The following RTN4RL1 variants were observed in gnomAD, a reference collection of about 807,000 sequenced individuals.
RTN4RL1 encodes reticulon 4 receptor like 1, also known as reticulon-4 receptor-like 1.
A neutral mutation model predicts 25.6 loss-of-function variants in RTN4RL1; 7 were observed. The observed-to-expected ratio is 0.27, with a 90% CI of 0.16 to 0.51. The LOEUF is 0.51. RTN4RL1 is among the 20% of genes least tolerant of loss of function. The pLI, the probability that RTN4RL1 is intolerant of heterozygous loss-of-function variation, is 0.97. For missense variants in RTN4RL1, 500 were observed against 615.6 expected, an observed-to-expected ratio of 0.81 and a Z score of 1.99; for synonymous variants, 297 against 288.2, an observed-to-expected ratio of 1.03 and a Z score of -0.31.
At chr17:1,959,854 C>T (rs574449110) in intron 1 of RTN4RL1, among the ~76,000 whole-genome samples, 196 of 152,298 alleles carry the variant, frequency 1.3e-3, no homozygotes, top group Non-Finnish European at 2.0e-3. Context: ...TGAGCCACCG[C>T]GCCCAGCCAG....
Position 1,947,698 on chromosome 17 carries a change from C to T in RTN4RL1, c.14-9890G>A, listed in dbSNP as rs1915585259. On this transcript the variant is annotated intron_variant, in intron 1 of 1. Coordinates refer to ENST00000331238, the MANE Select transcript of RTN4RL1 (RefSeq NM_178568.4). ...TCTCAGGGGGCCTTGTCGGAGCCAC[C>T]CCCAGCTCCCCTACCCTCTGCCCAT... Among the ~76,000 whole-genome samples, 4 of 152,334 alleles carry T rather than the reference C, an allele frequency of 2.6e-5. No individual in the cohort carries two copies. The South Asian group carries it at 8.3e-4, about 32-fold the overall frequency.
rs541508094 is a variant in RTN4RL1 at position 1,939,886 on chromosome 17, G to A, written c.14-2078C>T. Among the ~76,000 whole-genome samples the A allele has an allele frequency of 2.6e-5, 4 of 152,314 alleles. No homozygotes were observed. In the East Asian group the frequency reaches 5.8e-4, roughly 22 times the overall value. Reference sequence around the variant, plus strand: ...CTCCTCCCTACCCAGCTAGCCTCCAGCCCCTTTGCTTCTAGCTTTCCAGCC... The same window carrying A: ...CTCCTCCCTACCCAGCTAGCCTCCAACCCCTTTGCTTCTAGCTTTCCAGCC... On this transcript the variant is annotated intron_variant, in intron 1 of 1. Coordinates refer to ENST00000331238, the MANE Select transcript of RTN4RL1 (RefSeq NM_178568.4).
chr17:1,952,343 T>TTG (rs1915702702), intron 1 of RTN4RL1, among the ~76,000 whole-genome samples: 1 of 145,422 alleles, frequency 6.9e-6, no homozygotes, highest in Admixed American at 7.0e-5. Flanking sequence ...TTTTTTTTTT[T>TTG]TTTTTTTTTT....
Position 1,936,580 on chromosome 17 carries a change from G to A in RTN4RL1, c.1242C>T (p.Ser414=), listed in dbSNP as rs372267244. 1.1e-5 allele frequency: 17 copies of A among 1,572,834 alleles called. No individual in the cohort carries two copies. Among genetic ancestry groups the A allele is most frequent in the Non-Finnish European group, 1.4e-5 (16 of 1,159,764 alleles). Residue 414 remains serine (S), a synonymous_variant, in exon 2 of 2, where the codon AGC becomes AGT. Transcript: ENST00000331238. Reference sequence around the variant, plus strand: ...TGGCCGAGGAGGCCTGCTGCACCCCGCTGGGGGCACGGATGGGGGTCCTGC... The same window carrying A: ...TGGCCGAGGAGGCCTGCTGCACCCCACTGGGGGCACGGATGGGGGTCCTGC... The part of the protein sequence containing the change: ...CARRTPIRAP[S]GVQQASSASS...
chr17:1,946,337 T>C (rs1362105922), intron 1 of RTN4RL1, among the ~76,000 whole-genome samples: 1 of 152,172 alleles, frequency 6.6e-6, no homozygotes, highest in Non-Finnish European at 1.5e-5. Flanking sequence ...GCACGTGTCT[T>C]CTCAAACACC....
chr17:2,012,905 T>C (rs2067068385), intron 1 of RTN4RL1, among the ~76,000 whole-genome samples: 2 of 152,224 alleles, frequency 1.3e-5, no homozygotes, highest in Admixed American at 6.5e-5. Flanking sequence ...GCAATTCTCC[T>C]GCCTCAGCCT....
intron 1 of RTN4RL1, among the ~76,000 whole-genome samples, chr17:1,947,383 C>G (rs1173771317): frequency 6.6e-6 from 1 of 152,190 alleles, no homozygotes; most frequent in Non-Finnish European, 1.5e-5. Context: ...CCCCCTTCAC[C>G]CTGCAGCGTG....
At chr17:1,982,526 A>C (rs2151316825) in intron 1 of RTN4RL1, among the ~76,000 whole-genome samples, 1 of 151,940 alleles carries the variant, frequency 6.6e-6, no homozygotes, top group South Asian at 2.1e-4. Flanking sequence ...AAGGCAGGAG[A>C]ATGGCATGAA....
intron 1 of RTN4RL1, among the ~76,000 whole-genome samples, chr17:1,978,751 G>C (rs909763100): frequency 1.3e-5 from 2 of 152,196 alleles, no homozygotes; most frequent in African/African-American, 4.8e-5. Context: ...TGGTTCCTTT[G>C]GGAACTGGAA....
chr17:2,004,367 CAAAAAAAAAAAAA>C (rs58690992), intron 1 of RTN4RL1, among the ~76,000 whole-genome samples: 2 of 36,564 alleles, frequency 5.5e-5, no homozygotes, highest in East Asian at 6.8e-4. Context: ...GACTCTGTCT[CAAAAAAAAAAAAA>C]AAAAAAAAAA....
intron 1 of RTN4RL1, among the ~76,000 whole-genome samples, chr17:2,024,207 C>T (rs1453761984): frequency 2.0e-5 from 3 of 152,228 alleles, no homozygotes; most frequent in Non-Finnish European, 4.4e-5. Flanking sequence ...GAGCTGTGCA[C>T]CGGTCGCGCA....
At chr17:2,003,869 G>A (rs1179243562) in intron 1 of RTN4RL1, among the ~76,000 whole-genome samples, 9 of 152,074 alleles carry the variant, frequency 5.9e-5, no homozygotes, top group African/African-American at 9.7e-5. Flanking sequence ...TTAGGAGTTC[G>A]AGACCAGCCT....
In RTN4RL1 at chr17:1,937,486, C is replaced by T; in HGVS notation, c.336G>A (p.Gln112=). ...AGGTCTCGGGTGCCAGCGTCCGCAGCTGCCGGTTGTCGCCGAGGTCCAGCT... is the reference window on the plus strand; with the variant it reads ...AGGTCTCGGGTGCCAGCGTCCGCAGTTGCCGGTTGTCGCCGAGGTCCAGCT... ...LEELDLGDNR[Q]LRTLAPETFQ... Residue 112 remains glutamine (Q), a synonymous_variant, in exon 2 of 2, where the codon CAG becomes CAA. Coordinates refer to ENST00000331238, the MANE Select transcript of RTN4RL1 (RefSeq NM_178568.4). 6.2e-7 allele frequency: 1 copy of T among 1,613,982 alleles called. No individual in the cohort carries two copies. The highest frequency in any genetic ancestry group is 8.5e-7 in the Non-Finnish European group (1 of 1,179,890).
intron 1 of RTN4RL1, among the ~76,000 whole-genome samples, chr17:1,939,562 T>C (rs7221762): frequency 0.89 from 135,347 of 152,038 alleles, 60,508 homozygotes; most frequent in Non-Finnish European, 0.92. Context: ...CAGGCTGTGG[T>C]TGCAAAACCA....
chr17:1,975,364 G>T (rs2066838436), intron 1 of RTN4RL1, among the ~76,000 whole-genome samples: 1 of 152,078 alleles, frequency 6.6e-6, no homozygotes, highest in Non-Finnish European at 1.5e-5. Flanking sequence ...AGAAAACTTT[G>T]GGGGGACCAG....
At chr17:1,988,013 G>T (rs1296158350) in intron 1 of RTN4RL1, among the ~76,000 whole-genome samples, 1 of 152,046 alleles carries the variant, frequency 6.6e-6, no homozygotes, top group African/African-American at 2.4e-5. Context: ...GGCTGAGGCA[G>T]GAGAATCACT....
chr17:2,008,973 G>T (rs1400038609), intron 1 of RTN4RL1, among the ~76,000 whole-genome samples: 1 of 152,106 alleles, frequency 6.6e-6, no homozygotes, highest in Non-Finnish European at 1.5e-5. Flanking sequence ...TCAGCCCAGG[G>T]TTTACTCACT....
chr17:1,997,289 C>T (rs2066933492), intron 1 of RTN4RL1, among the ~76,000 whole-genome samples: 1 of 152,214 alleles, frequency 6.6e-6, no homozygotes, highest in Non-Finnish European at 1.5e-5. Flanking sequence ...GGCCTTTGCA[C>T]TTCCTACAGA....
intron 1 of RTN4RL1, among the ~76,000 whole-genome samples, chr17:1,950,013 G>T (rs916558845): frequency 7.2e-5 from 11 of 152,256 alleles, no homozygotes; most frequent in Admixed American, 6.5e-4. Context: ...GGTCAGAACA[G>T]CAGGAGCCAG....
Sources: gnomAD v4.1 joint callset for allele counts (sites outside exome capture counted in the v4.1 genomes callset) on GRCh38, gnomAD v4.1.1 for gene constraint, MANE v1.5 for transcripts, NCBI Gene and HGNC (gene_info 2026-07-23, HGNC 2026-07-21) for gene names.